Variants in DGKB observed in about 807,000 individuals in gnomAD.
DGKB encodes 90 kDa diacylglycerol kinase.
In DGKB, 67 loss-of-function variants were observed where a neutral mutation model predicts 114.3. The observed-to-expected ratio is 0.59, with a 90% confidence interval of 0.48 to 0.72. The LOEUF (loss-of-function observed/expected upper bound fraction) is 0.72. DGKB is among the 30% of genes least tolerant of loss of function. The pLI is 0.00. For synonymous variants in DGKB, 398 were observed against 323.1 expected, an observed-to-expected ratio of 1.23 and a Z score of -2.49; for missense variants, 907 against 975.2, an observed-to-expected ratio of 0.93 and a Z score of 0.93.
intron 21 of DGKB, among the ~76,000 whole-genome samples, chr7:14,376,575 T>A (rs1361345455): frequency 6.6e-6 from 1 of 152,166 alleles, no homozygotes; most frequent in Non-Finnish European, 1.5e-5. Flanking sequence ...AGTCCAGTAC[T>A]TTATAGCAGA....
intron 1 of DGKB, among the ~76,000 whole-genome samples, chr7:14,958,477 C>A (rs959243853): frequency 8.3e-5 from 7 of 84,782 alleles, no homozygotes; most frequent in East Asian, 6.6e-4. Context: ...ACACACACAC[C>A]CCGTCCAGGA....
chr7:14,869,015 T>G (rs1179870113), intron 1 of DGKB, among the ~76,000 whole-genome samples: 1 of 152,150 alleles, frequency 6.6e-6, no homozygotes, highest in Non-Finnish European at 1.5e-5. Flanking sequence ...GATAGAACAT[T>G]TTTTCAAATT....
chr7:14,689,813 A>T (rs1180570644), intron 9 of DGKB, among the ~76,000 whole-genome samples: 2 of 152,222 alleles, frequency 1.3e-5, no homozygotes, highest in African/African-American at 4.8e-5. Context: ...CAGCTCCCAA[A>T]ATATAATACA....
chr7:14,964,663 G>C (rs1014358895), intron 1 of DGKB, among the ~76,000 whole-genome samples: 1 of 152,130 alleles, frequency 6.6e-6, no homozygotes, highest in Non-Finnish European at 1.5e-5. Flanking sequence ...AGTTGGGCTA[G>C]TTAGGGGGAA....
At chr7:14,689,645 C>A (rs1274339729) in intron 9 of DGKB, among the ~76,000 whole-genome samples, 3 of 152,158 alleles carry the variant, frequency 2.0e-5, no homozygotes, top group Admixed American at 6.5e-5. Context: ...GCAGGTTACA[C>A]CACGTAGTCA....
chr7:14,463,990 C>T lies in DGKB; in HGVS notation c.1835+14171G>A, dbSNP rs149677787. On this transcript the variant is annotated intron_variant, in intron 21 of 25. Transcript: ENST00000402815. Reference sequence around the variant, plus strand: ...AGAATAAAAATAAGATTGGGACTAACGATTAGTGATATTAGCTTAAGTTTT... The same window carrying T: ...AGAATAAAAATAAGATTGGGACTAATGATTAGTGATATTAGCTTAAGTTTT... 3.8e-3 allele frequency among the ~76,000 whole-genome samples: 565 copies of T among 150,304 alleles called. 2 individuals are homozygous for T. The highest frequency in any genetic ancestry group is 0.013 in the African/African-American group (541 of 41,046).
At chr7:14,602,092 T>C (rs1803653664) in intron 17 of DGKB, among the ~76,000 whole-genome samples, 2 of 152,300 alleles carry the variant, frequency 1.3e-5, no homozygotes, top group South Asian at 4.1e-4. Flanking sequence ...ACCAATTCTG[T>C]CTTAGTCCAT....
At chr7:14,296,415 T>G (rs1447410718) in intron 23 of DGKB, among the ~76,000 whole-genome samples, 1 of 152,194 alleles carries the variant, frequency 6.6e-6, no homozygotes, top group Non-Finnish European at 1.5e-5. Flanking sequence ...TGATGGGCAT[T>G]TGGGTTGGTT....
rs866506989 is a variant in DGKB, at chr7:14,754,086, A to T, written c.148-138T>A. The T allele has an allele frequency of 5.3e-6, 3 of 569,536 alleles. 1 individual carries two copies. Among genetic ancestry groups the T allele is most frequent in the Middle Eastern group, 5.7e-4 (2 of 3,530 alleles). 35.3% of individuals were successfully genotyped at this position (569,536 alleles called of 1,614,324 possible). ...AACACACCCTAGATCCATAGGCCTC[A>T]AAAGGTGGTTCCGAAACAGTGGCAT... On this transcript the variant is annotated intron_variant, in intron 3 of 25. Coordinates refer to ENST00000402815, the MANE Select transcript of DGKB (RefSeq NM_001350709.2).
At chr7:14,235,111 A>G (rs1013193129) in intron 23 of DGKB, among the ~76,000 whole-genome samples, 9 of 152,070 alleles carry the variant, frequency 5.9e-5, no homozygotes, top group Non-Finnish European at 1.5e-5. Flanking sequence ...CCTGAGTACT[A>G]ACAGGGTCAC....
At position 14,682,760 on chromosome 7, in the gene DGKB, T is replaced by G; in HGVS notation, c.911A>C (p.Asn304Thr). 6.2e-7 allele frequency: 1 copy of G among 1,612,474 alleles called. No individual in the cohort carries two copies. The highest frequency in any genetic ancestry group is 8.5e-7 in the Non-Finnish European group (1 of 1,178,972). Residue 304 changes from asparagine (N) to threonine (T), a missense_variant, in exon 11 of 26, where the codon AAC becomes ACC. By Grantham distance (65) the Asn-to-Thr change is moderately conservative (BLOSUM62 0). Around this residue, in one of 3 missense-constraint regions of DGKB, gnomAD observed 814 missense variants for 856.6 expected, o/e 0.95. Coordinates refer to ENST00000402815, the MANE Select transcript of DGKB (RefSeq NM_001350709.2). ...CIKTYVKSKR[N>T]TDVMHHYWVE... is the part of the protein sequence containing the mutation. ...GCATGCACACAAACTTACATCAGTG[T>G]TCCTTTTGGACTTCACATAGGTCTT...
At chr7:14,706,372 C>A (rs1481363958) in intron 6 of DGKB, among the ~76,000 whole-genome samples, 7 of 145,248 alleles carry the variant, frequency 4.8e-5, no homozygotes, top group Admixed American at 4.1e-4. Flanking sequence ...TAATGGGAGA[C>A]TTTAACACCC....
At chr7:14,248,964 T>C (rs1199551680) in intron 23 of DGKB, among the ~76,000 whole-genome samples, 3 of 152,172 alleles carry the variant, frequency 2.0e-5, no homozygotes, top group Non-Finnish European at 2.9e-5. Context: ...TTGAGTGTGT[T>C]GGCTTTGGGT....
chr7:14,846,535 T>A (rs1440681167), intron 1 of DGKB, among the ~76,000 whole-genome samples: 1 of 152,168 alleles, frequency 6.6e-6, no homozygotes, highest in African/African-American at 2.4e-5. Context: ...ATTCTTATAG[T>A]CCCCGCCTCT....
chr7:14,703,390 G>C (rs1425196584), intron 6 of DGKB, among the ~76,000 whole-genome samples: 3 of 152,164 alleles, frequency 2.0e-5, no homozygotes, highest in Admixed American at 1.3e-4. Context: ...ACATGGGTAG[G>C]ATATATATAG....
intron 1 of DGKB, among the ~76,000 whole-genome samples, chr7:14,897,873 T>C (rs145380042): frequency 7.8e-4 from 119 of 152,068 alleles, no homozygotes; most frequent in African/African-American, 2.7e-3. Flanking sequence ...GGACTACCTA[T>C]TCCTTCAGCG....
At chr7:14,599,610 T>G (rs113739771) in intron 17 of DGKB, among the ~76,000 whole-genome samples, 64 of 152,338 alleles carry the variant, frequency 4.2e-4, no homozygotes, top group African/African-American at 1.5e-3. Flanking sequence ...TTACATTCCC[T>G]GCTAATATAT....
rs1258075198 is a variant in DGKB at position 14,146,282 on chromosome 7, T to C, written c.*2849A>G. The C allele has an allele frequency of 6.6e-6, 1 of 152,240 alleles. No individual in the cohort carries two copies. Among genetic ancestry groups the C allele is most frequent in the African/African-American group, 2.4e-5 (1 of 41,466 alleles). The allele number at this position is 152,240 out of a possible 1,614,324, so 9.4% of individuals were successfully genotyped here. A position where few individuals can be genotyped will look rare whatever the true frequency, so the allele number is the denominator to read the frequency against. On this transcript the variant is annotated 3_prime_UTR_variant, in exon 26 of 26. Coordinates refer to ENST00000402815, the MANE Select transcript of DGKB (RefSeq NM_001350709.2). ...GAAGCGTGGATATCAAGGTTTACTC[T>C]GAAATGTCTCTCTGGAATCTCATCA...
chr7:14,683,801 T>C (rs986749295), intron 10 of DGKB, among the ~76,000 whole-genome samples: 1 of 152,096 alleles, frequency 6.6e-6, no homozygotes, highest in African/African-American at 2.4e-5. Context: ...TGTGATTTTC[T>C]TTGGCAACAT....
Sources: gnomAD v4.1 joint callset for allele counts (sites outside exome capture counted in the v4.1 genomes callset) on GRCh38, gnomAD v4.1.1 for gene constraint, gnomAD v4.1.1 regional missense constraint, MANE v1.5 for transcripts, NCBI Gene and HGNC (gene_info 2026-07-23, HGNC 2026-07-21) for gene names.